PTPRJ: variants seen among roughly 807,000 people sequenced by gnomAD.
PTPRJ encodes protein tyrosine phosphatase receptor type J.
In PTPRJ, 129 loss-of-function variants were observed where a neutral mutation model predicts 141.3. The ratio of observed to expected loss-of-function variants is 0.91; its 90% CI spans 0.79 to 1.06. The LOEUF (loss-of-function observed/expected upper bound fraction) is 1.06. Among genes scored for constraint, PTPRJ ranks in the 50% least tolerant of loss-of-function variants. PTPRJ has a pLI of 0.00. For missense variants in PTPRJ, 1,601 were observed against 1,679.7 expected, an observed-to-expected ratio of 0.95 and a Z score of 0.82; for synonymous variants, 610 against 640.5, an observed-to-expected ratio of 0.95 and a Z score of 0.72.
intron 3 of PTPRJ, 52 bp from the exon 4 acceptor site, chr11:48,120,951 T>G (rs757304218): frequency 1.3e-5 from 19 of 1,464,290 alleles, no homozygotes; most frequent in Non-Finnish European, 1.7e-5. Context: ...GACCTCACTC[T>G]TACATTTCTT....
intron 1 of PTPRJ, among the ~76,000 whole-genome samples, chr11:47,992,136 GAAT>G (rs1166561404): frequency 1.3e-5 from 2 of 151,720 alleles, no homozygotes; most frequent in Non-Finnish European, 2.9e-5. Context: ...GTCTTTTGCA[GAAT>G]AATAATCATG....
At chr11:48,080,844 C>T (rs1031685788) in intron 1 of PTPRJ, among the ~76,000 whole-genome samples, 2 of 152,244 alleles carry the variant, frequency 1.3e-5, no homozygotes, top group Non-Finnish European at 2.9e-5. Context: ...TCCCCTTGGG[C>T]CCTAAGGCCA....
Position 48,130,708 on chromosome 11 carries a change from A to G in PTPRJ, c.1607A>G (p.Asn536Ser). The change falls in exon 8 of 25, where the codon AAT (asparagine) becomes AGT (serine). Residue 536 changes from asparagine to serine, a missense_variant. Asn to Ser is a conservative substitution (Grantham distance 46). Transcript: ENST00000418331. Reference protein sequence around the residue: ...GTEGASRTVCNRTVPSAVFDI... With the variant: ...GTEGASRTVCSRTVPSAVFDI... ...GAAGGGGCATCTCGGACAGTTTGCA[A>G]TAGAACTGGTAAGCAAATAGGCTTT... 5 of 1,607,868 alleles carry G rather than the reference A, an allele frequency of 3.1e-6. No homozygotes were observed. The highest frequency in any genetic ancestry group is 1.3e-5 in the African/African-American group (1 of 74,934).
intron 1 of PTPRJ, among the ~76,000 whole-genome samples, chr11:47,999,429 A>G (rs764326520): frequency 3.9e-5 from 6 of 152,216 alleles, no homozygotes; most frequent in Non-Finnish European, 8.8e-5. Flanking sequence ...GTGAGGAGGA[A>G]CTGTCTTCAA....
chr11:48,021,121 C>T (rs1336674123), intron 1 of PTPRJ, among the ~76,000 whole-genome samples: 2 of 152,214 alleles, frequency 1.3e-5, no homozygotes, highest in African/African-American at 2.4e-5. Flanking sequence ...CGCCTGTAAT[C>T]TCAGCACTTT....
chr11:48,046,727 C>T (rs2134241800), intron 1 of PTPRJ, among the ~76,000 whole-genome samples: 1 of 151,778 alleles, frequency 6.6e-6, no homozygotes, highest in East Asian at 1.9e-4. Context: ...CCTGTGCTTC[C>T]CCCCTACCCT....
intron 1 of PTPRJ, among the ~76,000 whole-genome samples, chr11:47,983,374 G>C (rs1853963507): frequency 1.3e-5 from 2 of 152,262 alleles, no homozygotes; most frequent in South Asian, 4.1e-4. Context: ...TTTGAGGCCT[G>C]GATTGTGTGT....
At chr11:48,008,527 G>A (rs1274128003) in intron 1 of PTPRJ, among the ~76,000 whole-genome samples, 1 of 151,526 alleles carries the variant, frequency 6.6e-6, no homozygotes, top group East Asian at 1.9e-4. Context: ...CAAAGTGCTG[G>A]GATTACAGGC....
chr11:48,089,254 C>T (rs1290118090), intron 1 of PTPRJ, among the ~76,000 whole-genome samples: 3 of 152,302 alleles, frequency 2.0e-5, no homozygotes, highest in East Asian at 1.9e-4. Context: ...CGGTGGCTCA[C>T]GCCTATAATC....
At position 48,144,651 on chromosome 11, in the gene PTPRJ, T is replaced by C. The variant is rs773691741; in HGVS notation, c.2576-24T>C. The C allele has an allele frequency of 8.9e-6, 14 of 1,578,534 alleles. No individual in the cohort carries two copies. In the South Asian group the frequency reaches 1.2e-4, roughly 14 times the overall value. The stretch of plus-strand genomic sequence containing the variant: ...CTCTCTGCCATCACTTTCTTATGAT[T>C]CTCCTTCTGTGTACCTTTCTTAGCT... On this transcript the variant is annotated intron_variant, in intron 12 of 24. Coordinates refer to ENST00000418331, the MANE Select transcript of PTPRJ (RefSeq NM_002843.4).
At chr11:48,016,650 C>T (rs1204343241) in intron 1 of PTPRJ, among the ~76,000 whole-genome samples, 1 of 152,072 alleles carries the variant, frequency 6.6e-6, no homozygotes, top group Non-Finnish European at 1.5e-5. Context: ...TAATTTCTGC[C>T]CTGCCAGCCT....
At chr11:48,041,371 A>G (rs1854269387) in intron 1 of PTPRJ, among the ~76,000 whole-genome samples, 2 of 152,188 alleles carry the variant, frequency 1.3e-5, no homozygotes, top group South Asian at 4.1e-4. Context: ...TTGAAGGCCT[A>G]CTGTGTGCAT....
chr11:48,062,340 C>T (rs552075408), intron 1 of PTPRJ, among the ~76,000 whole-genome samples: 2 of 151,912 alleles, frequency 1.3e-5, no homozygotes, highest in Admixed American at 6.6e-5. Flanking sequence ...GGTGAAACCC[C>T]GTCTCTACTA....
intron 1 of PTPRJ, among the ~76,000 whole-genome samples, chr11:48,043,669 C>T (rs578152755): frequency 1.3e-5 from 2 of 152,198 alleles, no homozygotes; most frequent in Admixed American, 6.5e-5. Context: ...CTCCCCCACC[C>T]CCAAAGAGAT....
Position 48,102,501 on chromosome 11 carries a change from C to T in PTPRJ, c.97-7557C>T, listed in dbSNP as rs143036354. Among the ~76,000 whole-genome samples the T allele has an allele frequency of 1.0e-2, 1,515 of 152,154 alleles. 23 individuals are homozygous for T. Among genetic ancestry groups the T allele is most frequent in the African/African-American group, 0.034 (1,430 of 41,490 alleles). The stretch of plus-strand genomic sequence containing the variant: ...TTGGCTCACTGCAACCTCTGCCTCC[C>T]AGGTTCAAGCGATTCTCCTGCGTCA... On this transcript the variant is annotated intron_variant, in intron 1 of 24. Transcript: ENST00000418331.
chr11:48,044,984 T>G (rs1854353744), intron 1 of PTPRJ: 1 of 152,276 alleles, frequency 6.6e-6, no homozygotes, highest in Non-Finnish European at 1.5e-5. Context: ...CCACTCCCTT[T>G]TTTCTCCTCC....
At chr11:48,107,517 T>C (rs998623457) in intron 1 of PTPRJ, among the ~76,000 whole-genome samples, 2 of 152,168 alleles carry the variant, frequency 1.3e-5, no homozygotes, top group South Asian at 4.1e-4. Flanking sequence ...CTGTGGGCCG[T>C]ACTGCATTCT....
At chr11:48,057,162 C>T (rs900228726) in intron 1 of PTPRJ, among the ~76,000 whole-genome samples, 12 of 152,208 alleles carry the variant, frequency 7.9e-5, no homozygotes, top group African/African-American at 2.4e-4. Flanking sequence ...TGATACAGAC[C>T]GCCCCCCATT....
At position 48,164,387 on chromosome 11, in the gene PTPRJ, G is replaced by A; in HGVS notation, c.3727G>A (p.Val1243Ile). The A allele has an allele frequency of 6.2e-7, 1 of 1,613,946 alleles. No individual in the cohort carries two copies. The highest frequency in any genetic ancestry group is 8.5e-7 in the Non-Finnish European group (1 of 1,179,958). The change falls in exon 24 of 25, where the codon GTC becomes ATC. Residue 1243 changes from valine to isoleucine, a missense_variant. Val to Ile is a conservative substitution (Grantham distance 29, BLOSUM62 3). Coordinates refer to ENST00000418331, the MANE Select transcript of PTPRJ (RefSeq NM_002843.4). ...SPILVHCSAGVGRTGTFIAID... is the reference protein window; with the variant it reads ...SPILVHCSAGIGRTGTFIAID... ...ATTTCTCTTTTCTCTCAGTGCTGGG[G>A]TCGGAAGGACGGGCACTTTCATTGC...
Sources: allele counts gnomAD v4.1 joint callset (sites outside exome capture counted in the v4.1 genomes callset), GRCh38; gene constraint gnomAD v4.1.1; transcripts MANE v1.5; gene names NCBI Gene and HGNC (gene_info 2026-07-23, HGNC 2026-07-21).